ACTA2: variants seen among roughly 807,000 people sequenced by gnomAD.
The protein encoded by ACTA2 is actin alpha 2, smooth muscle.
ACTA2 carries 12 observed loss-of-function variants against 39.5 expected under a neutral mutation model. That is an observed-to-expected ratio of 0.30 (90% CI 0.19 to 0.49). The LOEUF is 0.49. Among genes scored for constraint, ACTA2 ranks in the 20% least tolerant of loss-of-function variants. The pLI is 0.99. For synonymous variants in ACTA2, 158 were observed against 180.6 expected (o/e 0.88, Z 1.00); for missense variants, 236 against 498.8 (o/e 0.47, Z 5.02).
chr10:88,963,349 A>G (rs780279876), intron 1 of ACTA2, among the ~76,000 whole-genome samples: 2 of 152,020 alleles, frequency 1.3e-5, no homozygotes, highest in Non-Finnish European at 2.9e-5. Flanking sequence ...AATGCCTACC[A>G]TGTCCCCAAG....
chr10:88,941,644 A>G (rs1300207646), intron 5 of ACTA2, 141 bp downstream of exon 5: 1 of 868,504 alleles, frequency 1.2e-6, no homozygotes, highest in Non-Finnish European at 1.9e-6. Context: ...TTTGAACACT[A>G]GAAGAAGATC....
intron 1 of ACTA2, among the ~76,000 whole-genome samples, chr10:88,971,235 T>A (rs143538822): frequency 6.6e-6 from 1 of 152,366 alleles, no homozygotes; most frequent in East Asian, 1.9e-4. Flanking sequence ...TAAATGAGTA[T>A]CTCATCTCTA....
At chr10:88,984,180 G>C (rs186912595) in intron 1 of ACTA2, among the ~76,000 whole-genome samples, 1 of 152,272 alleles carries the variant, frequency 6.6e-6, no homozygotes, top group East Asian at 1.9e-4. Flanking sequence ...TTATAACATC[G>C]GGAGAATTTC....
intron 1 of ACTA2, chr10:88,974,606 C>T (rs1179750978): frequency 6.6e-6 from 1 of 152,230 alleles, no homozygotes; most frequent in African/African-American, 2.4e-5. Context: ...CCCATCTCAG[C>T]TTCCCAAAGT....
chr10:88,981,987 T>C (rs193021099), intron 1 of ACTA2, among the ~76,000 whole-genome samples: 159 of 152,318 alleles, frequency 1.0e-3, no homozygotes, highest in African/African-American at 3.5e-3. Context: ...CCTGTAGGTG[T>C]GGGTATGAGA....
rs1847075234 is a variant in ACTA2, at chr10:88,990,111, T to C, written c.-24+828A>G. Among the ~76,000 whole-genome samples, 1 of 152,224 alleles carries C rather than the reference T, an allele frequency of 6.6e-6. No individual in the cohort carries two copies. Among genetic ancestry groups the C allele is most frequent in the South Asian group, 2.1e-4 (1 of 4,836 alleles). ...TTTGGCTTAAGTTGTTAGCTTTGTT[T>C]TCCTCTTGAGAAATAAAAACTAAGG... On this transcript the variant is annotated intron_variant, in intron 1 of 4. Transcript: ENST00000415557. This position sits in a 1 kb window ranked among gnomAD's most constrained non-coding sequence, Gnocchi z 4.9.
intron 1 of ACTA2, among the ~76,000 whole-genome samples, chr10:88,983,854 C>T (rs897626039): frequency 6.6e-6 from 1 of 152,096 alleles, no homozygotes; most frequent in Non-Finnish European, 1.5e-5. Context: ...GATTTCAAAG[C>T]CAGGTGGAGG....
chr10:88,941,946 G>T, intron 4 of ACTA2, 77 bp from the exon 5 acceptor site: 1 of 1,343,376 alleles, frequency 7.4e-7, no homozygotes, highest in Non-Finnish European at 1.0e-6. Context: ...ACACCTGGTT[G>T]ATGGATGCAG....
chr10:88,935,517 T>C (rs1845719657), intron 8 of ACTA2, 151 bp from the exon 9 acceptor site: 10 of 833,798 alleles, frequency 1.2e-5, no homozygotes, highest in African/African-American at 1.7e-5. Context: ...TGTGTCCTAA[T>C]TGTGTCATGT....
intron 1 of ACTA2, among the ~76,000 whole-genome samples, chr10:88,950,064 C>CAACCA (rs2133276839): frequency 6.6e-6 from 1 of 152,288 alleles, no homozygotes; most frequent in Admixed American, 6.5e-5. Flanking sequence ...AGGACATTTT[C>CAACCA]ATCCAATGCT....
chr10:88,954,138 CAT>C (rs1409929589), upstream of ACTA2, among the ~76,000 whole-genome samples: 2 of 152,252 alleles, frequency 1.3e-5, no homozygotes, highest in East Asian at 3.9e-4. Context: ...GGACTGTGGA[CAT>C]GTGAGAAAAA....
chr10:88,947,607 G>A (rs533235452), intron 2 of ACTA2, among the ~76,000 whole-genome samples: 1 of 152,318 alleles, frequency 6.6e-6, no homozygotes, highest in East Asian at 1.9e-4. Flanking sequence ...GATGTTGGGG[G>A]AAAGTCAACT....
intron 1 of ACTA2, among the ~76,000 whole-genome samples, chr10:88,987,829 A>G (rs1846949485): frequency 6.6e-6 from 1 of 152,190 alleles, no homozygotes; most frequent in African/African-American, 2.4e-5. Context: ...ACTATCTTAG[A>G]TGTTTCTGTA....
chr10:88,939,433 A>G (rs1016694648), intron 7 of ACTA2, 74 bp downstream of exon 7: 4 of 1,593,584 alleles, frequency 2.5e-6, no homozygotes, highest in Non-Finnish European at 3.4e-6. Flanking sequence ...ACTTGTCTCC[A>G]TGTTCTGGAG....
At chr10:88,970,464 G>A (rs569077417) in intron 1 of ACTA2, among the ~76,000 whole-genome samples, 2 of 152,292 alleles carry the variant, frequency 1.3e-5, no homozygotes, top group African/African-American at 4.8e-5. Flanking sequence ...CGTTCAGTTA[G>A]TGCTGAGACT....
upstream of ACTA2, among the ~76,000 whole-genome samples, chr10:88,953,474 A>C (rs149659291): frequency 5.1e-3 from 781 of 152,302 alleles, 2 homozygotes; most frequent in Non-Finnish European, 7.2e-3. Context: ...ATTTAGCAGC[A>C]TAAGTAGGGA....
rs1048374332 is a variant in ACTA2 at position 88,963,998 on chromosome 10, G to C, written c.-23-15045C>G. 5.9e-5 allele frequency among the ~76,000 whole-genome samples: 9 copies of C among 151,860 alleles called. No homozygotes were observed. In the East Asian group the frequency reaches 1.7e-3, roughly 29 times the overall value. ...AGTTTTCCTAACAGGCCCTACCTAA[G>C]TTTAGTTCTATATTAGTTTACTTTA... On this transcript the variant is annotated intron_variant, in intron 1 of 4. Coordinates refer to the ACTA2 transcript ENST00000415557.
rs17409858 is a variant in ACTA2, at chr10:88,938,100, C to T, written c.951G>A (p.Lys317=). 1.4e-5 allele frequency: 23 copies of T among 1,613,922 alleles called. No homozygotes were observed. The highest frequency in any genetic ancestry group is 1.9e-5 in the Non-Finnish European group (23 of 1,179,954). ...MYPGIADRMQ[K]EITALAPSTM... is the part of the protein sequence containing the mutation. ...TGCTGGGTGCTAGGGCCGTGATCTC[C>T]TTCTGCATTCGGTCGGCAATGCCAG... Residue 317 remains lysine (K), a synonymous_variant, in exon 8 of 9, where the codon AAG becomes AAA. Coordinates refer to ENST00000224784, the MANE Select transcript of ACTA2 (RefSeq NM_001613.4).
At chr10:88,979,890 G>T (rs2133345171) in intron 1 of ACTA2, among the ~76,000 whole-genome samples, 1 of 151,464 alleles carries the variant, frequency 6.6e-6, no homozygotes, top group Middle Eastern at 3.4e-3. Context: ...ACCTACAAAG[G>T]CTTTGGGGTA....
Sources: allele counts gnomAD v4.1 joint callset (sites outside exome capture counted in the v4.1 genomes callset), GRCh38; gene constraint gnomAD v4.1.1; non-coding constraint Gnocchi (gnomAD v3.1); transcripts MANE v1.5; gene names NCBI Gene and HGNC (gene_info 2026-07-23, HGNC 2026-07-21).